TLK1: variants seen among roughly 807,000 people sequenced by gnomAD.
TLK1 encodes the protein serine/threonine-protein kinase tousled-like 1.
In TLK1, 24 loss-of-function variants were observed where a neutral mutation model predicts 105.3. That is an observed-to-expected ratio of 0.23 (90% CI 0.17 to 0.32). The LOEUF (loss-of-function observed/expected upper bound fraction) is 0.32. Among genes scored for constraint, TLK1 ranks in the 10% least tolerant of loss-of-function variants. The pLI is 1.00. For missense variants in TLK1, 558 were observed against 910.5 expected, an observed-to-expected ratio of 0.61 and a Z score of 4.98; for synonymous variants, 321 against 310.4, an observed-to-expected ratio of 1.03 and a Z score of -0.36.
At chr2:171,216,486 CA>C (rs1300429069) in intron 1 of TLK1, among the ~76,000 whole-genome samples, 1 of 151,760 alleles carries the variant, frequency 6.6e-6, no homozygotes, top group Non-Finnish European at 1.5e-5. Flanking sequence ...AAAAACAAAA[CA>C]AAACAAAAAA....
intron 2 of TLK1, among the ~76,000 whole-genome samples, chr2:171,105,108 A>G (rs548159025): frequency 6.6e-6 from 1 of 152,302 alleles, no homozygotes; most frequent in Admixed American, 6.5e-5. Context: ...AGATTTTATG[A>G]AGAAGATCTC....
chr2:171,086,337 G>T lies in TLK1; in HGVS notation c.259-3485C>A, dbSNP rs561570743. On this transcript the variant is annotated intron_variant, in intron 2 of 20. Transcript: ENST00000431350. The stretch of plus-strand genomic sequence containing the variant: ...GTACAAGACAACACTTAGAAGAAGG[G>T]AACAGAGGCTGGGTGCAGTGGCTCG... Among the ~76,000 whole-genome samples, 45 of 152,146 alleles carry T rather than the reference G, an allele frequency of 3.0e-4. 2 individuals carry two copies. The highest frequency in any genetic ancestry group is 9.4e-4 in the African/African-American group (39 of 41,562).
chr2:171,190,540 G>A (rs976762174), intron 1 of TLK1, among the ~76,000 whole-genome samples: 1 of 152,148 alleles, frequency 6.6e-6, no homozygotes, highest in African/African-American at 2.4e-5. Flanking sequence ...AATTTTACAT[G>A]ACATTTCCAA....
At position 171,006,128 on chromosome 2, in the gene TLK1, T is replaced by C. The variant is rs768663771; in HGVS notation, c.1904+19A>G. 5.8e-6 allele frequency: 9 copies of C among 1,539,320 alleles called. No individual in the cohort carries two copies. In the African/African-American group the frequency reaches 7.0e-5, roughly 12 times the overall value. ...GGGCACCAATCTAGACATTCTGATG[T>C]TTTTAGTAATACACTTACCAGTAAG... On this transcript the variant is annotated intron_variant, in intron 18 of 20. Transcript: ENST00000431350.
At chr2:171,082,030 T>TAC (rs3084370) in intron 3 of TLK1, among the ~76,000 whole-genome samples, 8,692 of 146,488 alleles carry the variant, frequency 0.059, 486 homozygotes, top group African/African-American at 0.15. Flanking sequence ...ACGGGAAAAA[T>TAC]ACACACACAC....
intron 11 of TLK1, among the ~76,000 whole-genome samples, chr2:171,042,546 TA>T (rs1447327660): frequency 6.6e-6 from 1 of 152,166 alleles, no homozygotes; most frequent in Non-Finnish European, 1.5e-5. Context: ...GCACCCAGCC[TA>T]AATGCTTGTG....
intron 1 of TLK1, among the ~76,000 whole-genome samples, chr2:171,198,851 T>A (rs893416006): frequency 3.3e-5 from 5 of 152,374 alleles, no homozygotes; most frequent in African/African-American, 1.2e-4. Context: ...ATTTACCTGT[T>A]GATCAATTTT....
intron 1 of TLK1, among the ~76,000 whole-genome samples, chr2:171,121,523 C>T (rs1239644086): frequency 6.6e-6 from 1 of 152,116 alleles, no homozygotes; most frequent in Non-Finnish European, 1.5e-5. Context: ...ACAGCGAGAA[C>T]CTGTCTCAAA....
At chr2:171,192,122 G>C (rs73017286) in intron 1 of TLK1, among the ~76,000 whole-genome samples, 16,874 of 152,014 alleles carry the variant, frequency 0.11, 1,443 homozygotes, top group African/African-American at 0.24. Flanking sequence ...TTGACCTCCC[G>C]GGCCCAGGTG....
chr2:171,086,640 A>AAC (rs200888694), intron 2 of TLK1, among the ~76,000 whole-genome samples: 22,694 of 146,638 alleles, frequency 0.15, 3,096 homozygotes, highest in African/African-American at 0.39. Flanking sequence ...AAAACAAACA[A>AAC]AAAAAAAAAA....
intron 7 of TLK1, chr2:171,054,313 T>G (rs1687392391): frequency 6.6e-6 from 1 of 152,592 alleles, no homozygotes; most frequent in African/African-American, 2.4e-5. Flanking sequence ...AATTTTCATA[T>G]ACACAAAATA....
intron 3 of TLK1, chr2:171,066,749 C>T: frequency 3.1e-6 from 4 of 1,303,214 alleles, no homozygotes; most frequent in Non-Finnish European, 4.2e-6. Context: ...TGGCACTTTC[C>T]CTTCTCTGGC....
At chr2:171,042,411 A>AT (rs1160649064) in intron 11 of TLK1, among the ~76,000 whole-genome samples, 143 of 148,340 alleles carry the variant, frequency 9.6e-4, no homozygotes, top group East Asian at 3.1e-3. Flanking sequence ...CACTTGGCTA[A>AT]TTTTTTTTTT....
chr2:171,227,579 T>TTC (rs1693923397), intron 1 of TLK1, among the ~76,000 whole-genome samples: 1 of 133,332 alleles, frequency 7.5e-6, no homozygotes, highest in Non-Finnish European at 1.6e-5. Flanking sequence ...TTTTTTTTTT[T>TTC]TTTTTTTTTT....
chr2:171,117,782 C>T lies in TLK1; in HGVS notation c.215G>A (p.Ser72Asn). 1 of 1,614,038 alleles carries T rather than the reference C, an allele frequency of 6.2e-7. No homozygotes were observed. The highest frequency in any genetic ancestry group is 2.2e-5 in the East Asian group (1 of 44,858). Residue 72 changes from serine (S) to asparagine (N), a missense_variant, in exon 2 of 21, where the codon AGT (serine) becomes AAT (asparagine). This residue lies in a region of TLK1 where 104 missense variants were observed against 116.0 expected (regional missense o/e 0.90). Transcript: ENST00000431350. Reference protein sequence around the residue: ...LLEARFTGVASGSTGSTGSCS... With the variant: ...LLEARFTGVANGSTGSTGSCS... The stretch of plus-strand genomic sequence containing the variant: ...ACTGCCCGTACTTCCAGTGCTCCCA[C>T]TTGCAACTCCAGTAAATCTAGCTTC...
At chr2:171,015,415 AACACACAC>A (rs56238853) in intron 12 of TLK1, among the ~76,000 whole-genome samples, 18,888 of 132,544 alleles carry the variant, frequency 0.14, 1,243 homozygotes, top group East Asian at 0.24. Flanking sequence ...TTGGAGTACA[AACACACAC>A]ACACACACAC....
chr2:171,220,907 A>G (rs909955572), intron 1 of TLK1, among the ~76,000 whole-genome samples: 1 of 152,124 alleles, frequency 6.6e-6, no homozygotes, highest in Non-Finnish European at 1.5e-5. Context: ...CAATTTCCAC[A>G]GAGAGGCCAG....
chr2:171,162,554 A>G (rs1259030872), upstream of TLK1, among the ~76,000 whole-genome samples: 1 of 152,184 alleles, frequency 6.6e-6, no homozygotes, highest in African/African-American at 2.4e-5. Context: ...TCAAAAAAAT[A>G]AAAATAAAGT....
intron 3 of TLK1, among the ~76,000 whole-genome samples, chr2:171,077,240 A>G (rs1449885860): frequency 6.6e-6 from 1 of 152,238 alleles, no homozygotes; most frequent in Non-Finnish European, 1.5e-5. Context: ...ATTCAGGGGA[A>G]AGATGTTCCT....
Sources: allele counts gnomAD v4.1 joint callset (sites outside exome capture counted in the v4.1 genomes callset), GRCh38; gene constraint gnomAD v4.1.1; regional missense constraint gnomAD v4.1.1; transcripts MANE v1.5; gene names NCBI Gene and HGNC (gene_info 2026-07-23, HGNC 2026-07-21).